Variants in MAST2 observed in about 807,000 individuals in gnomAD.
MAST2 encodes microtubule-associated serine/threonine-protein kinase 2.
MAST2 carries 70 observed loss-of-function variants against 147.4 expected under a neutral mutation model. The observed-to-expected ratio is 0.47, with a 90% confidence interval of 0.39 to 0.58. The LOEUF is 0.58. Among genes scored for constraint, MAST2 ranks in the 20% least tolerant of loss-of-function variants. MAST2 has a pLI of 0.00. For synonymous variants in MAST2, 869 were observed against 896.8 expected (o/e 0.97, Z 0.55); for missense variants, 2,080 against 2,302.3 (o/e 0.90, Z 1.98).
chr1:45,881,057 A>T (rs1466229740), intron 3 of MAST2, among the ~76,000 whole-genome samples: 1 of 152,118 alleles, frequency 6.6e-6, no homozygotes. Context: ...TGTATGAGGG[A>T]TATATTTCTT....
intron 5 of MAST2, among the ~76,000 whole-genome samples, chr1:45,993,884 A>C (rs1241985725): frequency 1.3e-5 from 2 of 152,150 alleles, no homozygotes; most frequent in East Asian, 3.8e-4. Flanking sequence ...TGAGTTCAGT[A>C]ATTCACTAGA....
intron 4 of MAST2, among the ~76,000 whole-genome samples, chr1:45,906,198 A>G (rs1650695793): frequency 6.6e-6 from 1 of 152,194 alleles, no homozygotes; most frequent in Non-Finnish European, 1.5e-5. Flanking sequence ...TGTCAGATAT[A>G]TATAGTCATG....
chr1:45,864,704 T>C (rs1646087132), intron 3 of MAST2, among the ~76,000 whole-genome samples: 1 of 152,240 alleles, frequency 6.6e-6, no homozygotes, highest in Non-Finnish European at 1.5e-5. Flanking sequence ...TTAGTAGCTG[T>C]AGGTGGAGAC....
intron 1 of MAST2, among the ~76,000 whole-genome samples, chr1:45,812,204 G>C (rs1644323616): frequency 1.3e-5 from 2 of 152,106 alleles, no homozygotes; most frequent in African/African-American, 4.8e-5. Flanking sequence ...AAGTTTATTT[G>C]ACCTCCTTTC....
At chr1:45,864,964 G>A (rs902911539) in intron 3 of MAST2, 1 of 370,696 alleles carries the variant, frequency 2.7e-6, no homozygotes, top group African/African-American at 2.1e-5. Flanking sequence ...TACTTACGCT[G>A]GACAGAGGGA....
chr1:46,010,710 T>C lies in MAST2; in HGVS notation c.979-20T>C, dbSNP rs1247653359. 6.2e-7 allele frequency: 1 copy of C among 1,610,072 alleles called. No homozygotes were observed. Among genetic ancestry groups the C allele is most frequent in the East Asian group, 2.2e-5 (1 of 44,876 alleles). ...GCTGGAACTAGAAGGGAAGTGTTTC[T>C]TTCTTGCTTTTCTTCCCAGGCCACC... On this transcript the variant is annotated intron_variant, in intron 9 of 28. Coordinates refer to ENST00000361297, the MANE Select transcript of MAST2 (RefSeq NM_015112.3).
chr1:45,909,905 C>T (rs747861103), intron 4 of MAST2, among the ~76,000 whole-genome samples: 1 of 151,990 alleles, frequency 6.6e-6, no homozygotes, highest in African/African-American at 2.4e-5. Context: ...CTCCGCCTCC[C>T]GGGTTCAAGT....
chr1:46,029,685 T>G, intron 19 of MAST2, 118 bp downstream of exon 19: 2 of 1,358,648 alleles, frequency 1.5e-6, no homozygotes, highest in East Asian at 2.3e-5. Context: ...CCTGAAACTC[T>G]GCCCTGCTCT....
At position 46,028,831 on chromosome 1, in the gene MAST2, G is replaced by A; in HGVS notation, c.2116G>A (p.Val706Met). The A allele has an allele frequency of 1.2e-6, 2 of 1,614,192 alleles. No individual in the cohort carries two copies. Among genetic ancestry groups the A allele is most frequent in the Non-Finnish European group, 1.7e-6 (2 of 1,180,034 alleles). ...CCTGCGCCAGGGCTATGGGAAGCCA[G>A]TGGACTGGTGGGCCATGGGCATTAT... Reference protein sequence around the residue: ...VILRQGYGKPVDWWAMGIILY... With the variant: ...VILRQGYGKPMDWWAMGIILY... The change falls in exon 18 of 29, where the codon GTG becomes ATG. Residue 706 changes from valine (V) to methionine (M), a missense_variant. Val to Met is a conservative substitution (Grantham distance 21, BLOSUM62 1). Around this residue, in one of 4 missense-constraint regions of MAST2, gnomAD observed 209 missense variants for 309.5 expected, o/e 0.68. Coordinates refer to ENST00000361297, the MANE Select transcript of MAST2 (RefSeq NM_015112.3).
intron 3 of MAST2, among the ~76,000 whole-genome samples, chr1:45,838,566 A>C (rs2147886627): frequency 6.6e-6 from 1 of 152,190 alleles, no homozygotes; most frequent in East Asian, 1.9e-4. Context: ...ATGTCTGTTC[A>C]AAACTTTTGT....
In MAST2 at chr1:45,899,047, A is replaced by G. The variant is rs112558381; in HGVS notation, c.500+16652A>G. ...TAAAGACTCAAACACAGGGGCTTCT[A>G]CCATTGTTCAATTCTTCCATCAGTC... is the stretch of plus-strand genomic sequence containing the variant. On this transcript the variant is annotated intron_variant, in intron 4 of 28. Transcript: ENST00000361297. Among the ~76,000 whole-genome samples, 48 of 152,248 alleles carry G rather than the reference A, an allele frequency of 3.2e-4. 1 individual carries two copies. The Middle Eastern group carries it at 0.034, about 108-fold the overall frequency.
chr1:45,917,045 T>A (rs1294651366), intron 4 of MAST2, among the ~76,000 whole-genome samples: 1 of 152,180 alleles, frequency 6.6e-6, no homozygotes, highest in Non-Finnish European at 1.5e-5. Context: ...GCCATTGCAC[T>A]CTAGCCTGGG....
chr1:45,882,313 C>T, intron 3 of MAST2, 51 bp from the exon 4 acceptor site: 1 of 1,337,316 alleles, frequency 7.5e-7, no homozygotes, highest in Non-Finnish European at 1.1e-6. Context: ...GGTAGACCAA[C>T]AGGACTCAGA....
intron 3 of MAST2, among the ~76,000 whole-genome samples, chr1:45,879,804 A>G (rs1646767241): frequency 6.6e-6 from 1 of 152,182 alleles, no homozygotes; most frequent in South Asian, 2.1e-4. Context: ...GATACTCAAC[A>G]TCGTTAGTCA....
intron 5 of MAST2, among the ~76,000 whole-genome samples, chr1:45,963,907 TGA>T (rs1169500336): frequency 1.3e-5 from 2 of 152,210 alleles, no homozygotes; most frequent in African/African-American, 4.8e-5. Flanking sequence ...CATAATTTAT[TGA>T]GAGTTTTTAG....
At chr1:45,894,889 C>A (rs1057433335) in intron 4 of MAST2, among the ~76,000 whole-genome samples, 3 of 152,080 alleles carry the variant, frequency 2.0e-5, no homozygotes, top group African/African-American at 7.2e-5. Flanking sequence ...TTTTTAATGT[C>A]TCAGTTTCCA....
intron 5 of MAST2, among the ~76,000 whole-genome samples, chr1:45,969,381 G>A (rs141559974): frequency 2.2e-4 from 34 of 152,284 alleles, no homozygotes; most frequent in Admixed American, 7.8e-4. Flanking sequence ...GCCACGGACC[G>A]GTACTTCTCA....
At chr1:45,879,122 G>C (rs1646730646) in intron 3 of MAST2, among the ~76,000 whole-genome samples, 1 of 151,754 alleles carries the variant, frequency 6.6e-6, no homozygotes, top group Non-Finnish European at 1.5e-5. Context: ...TAGATCAGTA[G>C]GATGCAATAG....
chr1:46,013,064 A>G (rs1645780969), intron 10 of MAST2, among the ~76,000 whole-genome samples: 1 of 152,084 alleles, frequency 6.6e-6, no homozygotes, highest in South Asian at 2.1e-4. Flanking sequence ...ACAAATTGAA[A>G]AATGACCTGA....
Sources: allele counts gnomAD v4.1 joint callset (sites outside exome capture counted in the v4.1 genomes callset), GRCh38; gene constraint gnomAD v4.1.1; regional missense constraint gnomAD v4.1.1; transcripts MANE v1.5; gene names NCBI Gene and HGNC (gene_info 2026-07-23, HGNC 2026-07-21).